Variants in SLC9A9 observed in about 807,000 individuals in gnomAD.
The protein encoded by SLC9A9 is solute carrier family 9 member A9.
In SLC9A9, 62 loss-of-function variants were observed where a neutral mutation model predicts 77.8. The ratio of observed to expected loss-of-function variants is 0.80; its 90% CI spans 0.65 to 0.98. SLC9A9 has a LOEUF of 0.98. Ranked by LOEUF, SLC9A9 falls within the 50% of genes least tolerant of loss-of-function variation. The pLI is 0.00. For missense variants in SLC9A9, 775 were observed against 774.9 expected (o/e 1.00, Z 0.00); for synonymous variants, 320 against 283.5 (o/e 1.13, Z -1.29).
At chr3:143,441,506 C>T (rs1374240870) in intron 12 of SLC9A9, among the ~76,000 whole-genome samples, 1 of 152,100 alleles carries the variant, frequency 6.6e-6, no homozygotes, top group Non-Finnish European at 1.5e-5. Flanking sequence ...TATCAAGAAC[C>T]CAAGAGTTAG....
At chr3:143,386,472 C>G (rs1364886516) in intron 12 of SLC9A9, among the ~76,000 whole-genome samples, 2 of 152,214 alleles carry the variant, frequency 1.3e-5, no homozygotes, top group African/African-American at 4.8e-5. Flanking sequence ...CACTCTGTCT[C>G]CATCTTGGTT....
At chr3:143,374,926 CA>C (rs1425266410) in intron 13 of SLC9A9, among the ~76,000 whole-genome samples, 13 of 152,196 alleles carry the variant, frequency 8.5e-5, no homozygotes, top group Admixed American at 3.3e-4. Flanking sequence ...CCCACTGCCC[CA>C]AACACCTACT....
chr3:143,783,196 TG>T (rs2007938434), intron 4 of SLC9A9, among the ~76,000 whole-genome samples: 2 of 152,100 alleles, frequency 1.3e-5, no homozygotes, highest in African/African-American at 4.8e-5. Flanking sequence ...TATGTGCTTT[TG>T]AAAGTCCAAA....
chr3:143,670,874 T>G (rs1326726936), intron 5 of SLC9A9, among the ~76,000 whole-genome samples: 1 of 152,198 alleles, frequency 6.6e-6, no homozygotes, highest in African/African-American at 2.4e-5. Context: ...AACAAATGTT[T>G]GTTAAATAAA....
At chr3:143,488,135 C>G (rs1275255552) in intron 11 of SLC9A9, among the ~76,000 whole-genome samples, 1 of 151,656 alleles carries the variant, frequency 6.6e-6, no homozygotes, top group Admixed American at 6.6e-5. Context: ...TTTATGCTAA[C>G]AAATTGAATA....
chr3:143,698,264 G>A (rs1270464821), intron 4 of SLC9A9: 1 of 153,574 alleles, frequency 6.5e-6, no homozygotes, highest in African/African-American at 2.4e-5. Flanking sequence ...GGGTTACAGG[G>A]GTGGACAGAA....
chr3:143,334,251 C>T (rs887868626), intron 14 of SLC9A9, among the ~76,000 whole-genome samples: 12 of 152,248 alleles, frequency 7.9e-5, no homozygotes, highest in Admixed American at 3.3e-4. Flanking sequence ...TGTCTGGATC[C>T]GCCTATAGGT....
At chr3:143,568,867 A>G (rs2037213560) in intron 8 of SLC9A9, among the ~76,000 whole-genome samples, 1 of 152,080 alleles carries the variant, frequency 6.6e-6, no homozygotes, top group African/African-American at 2.4e-5. Flanking sequence ...GTGCAGTGCA[A>G]TCTAGATGCA....
At chr3:143,400,923 C>CA (rs1374184031) in intron 12 of SLC9A9, among the ~76,000 whole-genome samples, 1 of 151,954 alleles carries the variant, frequency 6.6e-6, no homozygotes, top group African/African-American at 2.4e-5. Flanking sequence ...CCTTGTTTGC[C>CA]TCCCCCAGTC....
intron 6 of SLC9A9, among the ~76,000 whole-genome samples, chr3:143,646,187 A>T (rs1315752419): frequency 6.6e-6 from 1 of 151,770 alleles, no homozygotes; most frequent in African/African-American, 2.4e-5. Flanking sequence ...CCAAAAGAAA[A>T]AAATAAAAAT....
At chr3:143,760,128 G>T (rs2007068396) in intron 4 of SLC9A9, among the ~76,000 whole-genome samples, 1 of 152,022 alleles carries the variant, frequency 6.6e-6, no homozygotes, top group African/African-American at 2.4e-5. Flanking sequence ...TTATGGAAAT[G>T]GTTAAAAAAA....
intron 6 of SLC9A9, among the ~76,000 whole-genome samples, chr3:143,609,797 C>A (rs953544762): frequency 2.0e-5 from 3 of 152,058 alleles, no homozygotes; most frequent in African/African-American, 7.2e-5. Context: ...GATGCATCTA[C>A]CTCTCTTCAA....
At chr3:143,509,999 C>G (rs6792226) in intron 9 of SLC9A9, among the ~76,000 whole-genome samples, 34,492 of 152,070 alleles carry the variant, frequency 0.23, 4,863 homozygotes, top group Non-Finnish European at 0.32. Flanking sequence ...AAGAGCCATG[C>G]TTGTTCCAAA....
intron 9 of SLC9A9, among the ~76,000 whole-genome samples, chr3:143,544,888 C>G (rs1425033727): frequency 6.6e-6 from 1 of 152,148 alleles, no homozygotes; most frequent in Non-Finnish European, 1.5e-5. Flanking sequence ...CCGCATGTGG[C>G]AAGTCAGCTC....
At chr3:143,647,631 A>G (rs1359115701) in intron 6 of SLC9A9, among the ~76,000 whole-genome samples, 4 of 152,158 alleles carry the variant, frequency 2.6e-5, no homozygotes, top group Non-Finnish European at 5.9e-5. Context: ...TTGTTATTCT[A>G]TGACTCCTAA....
chr3:143,751,597 T>C (rs917014305), intron 4 of SLC9A9, among the ~76,000 whole-genome samples: 4 of 152,148 alleles, frequency 2.6e-5, no homozygotes, highest in African/African-American at 9.7e-5. Flanking sequence ...GTAGTTCAAC[T>C]TCCTCTGCAC....
chr3:143,415,980 A>G (rs956376532), intron 12 of SLC9A9, among the ~76,000 whole-genome samples: 2 of 152,130 alleles, frequency 1.3e-5, no homozygotes, highest in African/African-American at 4.8e-5. Context: ...GTTGACTCCA[A>G]CCCTCATGGA....
chr3:143,462,863 A>G (rs1421089639), intron 12 of SLC9A9, among the ~76,000 whole-genome samples: 1 of 152,174 alleles, frequency 6.6e-6, no homozygotes, highest in Non-Finnish European at 1.5e-5. Context: ...GCACTAGTTG[A>G]GTGTGCAGGC....
intron 5 of SLC9A9, among the ~76,000 whole-genome samples, chr3:143,661,328 AAAACT>A (rs1430777263): frequency 6.6e-6 from 1 of 152,186 alleles, no homozygotes; most frequent in Non-Finnish European, 1.5e-5. Context: ...TGAAACTGGT[AAAACT>A]TAACAAGAAC....
Sources: gnomAD v4.1 joint callset for allele counts (sites outside exome capture counted in the v4.1 genomes callset) on GRCh38, gnomAD v4.1.1 for gene constraint, MANE v1.5 for transcripts, NCBI Gene and HGNC (gene_info 2026-07-23, HGNC 2026-07-21) for gene names.